DRC8: variants seen among roughly 807,000 people sequenced by gnomAD.
DRC8 encodes dynein regulatory complex subunit 8.
the DRC8 span, among the ~76,000 whole-genome samples, chr1:245,033,118 G>A: frequency 4.6e-5 from 7 of 152,204 alleles, no homozygotes; most frequent in African/African-American, 1.2e-4. Flanking sequence ...CGGCTAGTCC[G>A]GTACTGCATG....
chr1:245,081,261 A>G, the DRC8 span, among the ~76,000 whole-genome samples: 2 of 151,770 alleles, frequency 1.3e-5, no homozygotes, highest in African/African-American at 4.8e-5. Context: ...TCCTGGGTTC[A>G]CGTGATTCTC....
At chr1:244,972,173 A>G in the DRC8 span, among the ~76,000 whole-genome samples, 2 of 152,208 alleles carry the variant, frequency 1.3e-5, no homozygotes, top group Non-Finnish European at 2.9e-5. Context: ...CAGAGAAACA[A>G]TTTTGTCGAT....
the DRC8 span, among the ~76,000 whole-genome samples, chr1:244,973,782 C>T: frequency 2.6e-5 from 4 of 152,122 alleles, no homozygotes; most frequent in African/African-American, 9.7e-5. Context: ...TTCAGGGTAC[C>T]TATCCTATCC....
At chr1:245,104,164 G>A in the DRC8 span, among the ~76,000 whole-genome samples, 6 of 152,294 alleles carry the variant, frequency 3.9e-5, no homozygotes, top group South Asian at 1.2e-3. Flanking sequence ...ACCAGCATAG[G>A]TGATTAAAAA....
chr1:245,022,720 C>CGT, the DRC8 span, among the ~76,000 whole-genome samples: 36 of 150,464 alleles, frequency 2.4e-4, no homozygotes, highest in Non-Finnish European at 4.0e-4. Flanking sequence ...TGTGCGTGTG[C>CGT]GTGTGTGTGT....
the DRC8 span, among the ~76,000 whole-genome samples, chr1:245,009,067 G>A: frequency 2.7e-5 from 3 of 112,608 alleles, no homozygotes; most frequent in African/African-American, 3.5e-5. Context: ...ACTGAGTCTC[G>A]CTCTGTCACC....
chr1:245,015,857 A>G, the DRC8 span: 194 of 160,734 alleles, frequency 1.2e-3, no homozygotes, highest in African/African-American at 4.5e-3. Flanking sequence ...TTTTCATAAT[A>G]GCCAAAGTGA....
the DRC8 span, among the ~76,000 whole-genome samples, chr1:244,975,508 G>T: frequency 6.6e-6 from 1 of 152,150 alleles, no homozygotes; most frequent in African/African-American, 2.4e-5. Context: ...TCATAATGTT[G>T]TAATGGGGAC....
the DRC8 span, among the ~76,000 whole-genome samples, chr1:245,003,169 G>T: frequency 6.6e-6 from 1 of 152,174 alleles, no homozygotes; most frequent in East Asian, 1.9e-4. Flanking sequence ...TGTGTATGCC[G>T]CATTTTGTTT....
chr1:245,059,533 T>C, the DRC8 span: 18 of 1,323,512 alleles, frequency 1.4e-5, no homozygotes, highest in South Asian at 1.9e-4. Context: ...AAACAATCCT[T>C]ACCGGAAACT....
chr1:244,988,768 A>G, the DRC8 span, among the ~76,000 whole-genome samples: 6 of 152,210 alleles, frequency 3.9e-5, no homozygotes, highest in Admixed American at 3.9e-4. Flanking sequence ...CAACTTCCCT[A>G]CGTTACAAAA....
the DRC8 span, among the ~76,000 whole-genome samples, chr1:245,097,263 G>A: frequency 1.3e-5 from 2 of 152,182 alleles, no homozygotes; most frequent in African/African-American, 4.8e-5. The surrounding 1 kb of genome is among the most constrained non-coding windows in gnomAD (Gnocchi z 5.0). Flanking sequence ...GCTCACGCCT[G>A]TAATCCTAGC....
chr1:245,008,081 C>T, the DRC8 span, among the ~76,000 whole-genome samples: 2 of 151,966 alleles, frequency 1.3e-5, no homozygotes, highest in Admixed American at 6.6e-5. Flanking sequence ...GTGGCTGAGG[C>T]GGGAGGATTG....
chr1:244,985,167 A>G, the DRC8 span, among the ~76,000 whole-genome samples: 2 of 149,980 alleles, frequency 1.3e-5, no homozygotes, highest in Non-Finnish European at 2.9e-5. Context: ...ATAGAGAGCA[A>G]TTTCTTTGTT....
chr1:245,077,053 G>A, the DRC8 span, among the ~76,000 whole-genome samples: 1 of 152,044 alleles, frequency 6.6e-6, no homozygotes, highest in African/African-American at 2.4e-5. Flanking sequence ...TGATGATAGT[G>A]ATTCAAACTT....
the DRC8 span, among the ~76,000 whole-genome samples, chr1:245,012,070 TAAG>T: frequency 2.6e-5 from 4 of 152,164 alleles, no homozygotes; most frequent in South Asian, 2.1e-4. Flanking sequence ...AATATATTGA[TAAG>T]AAGTTATTAA....
the DRC8 span, chr1:244,970,599 C>T: frequency 3.5e-3 from 2,993 of 867,238 alleles, 76 homozygotes; most frequent in African/African-American, 0.051. Context: ...CAGCAGCAGT[C>T]GCCCTGCCCC....
At chr1:244,996,320 G>A in the DRC8 span, among the ~76,000 whole-genome samples, 1 of 151,930 alleles carries the variant, frequency 6.6e-6, no homozygotes, top group Admixed American at 6.6e-5. Context: ...TAGTATGAAA[G>A]TGATGTGCTG....
the DRC8 span, among the ~76,000 whole-genome samples, chr1:245,052,628 C>G: frequency 6.6e-6 from 1 of 152,234 alleles, no homozygotes; most frequent in East Asian, 1.9e-4. Context: ...GAGCCTGGCA[C>G]AGAAGCAGAG....
Sources: gnomAD v4.1 joint callset for allele counts (sites outside exome capture counted in the v4.1 genomes callset) on GRCh38, gnomAD v4.1.1 for gene constraint, Gnocchi (gnomAD v3.1) non-coding constraint, MANE v1.5 for transcripts, NCBI Gene and HGNC (gene_info 2026-07-23, HGNC 2026-07-21) for gene names.